ELOVL6: variants seen among roughly 807,000 people sequenced by gnomAD.
ELOVL6 encodes the protein very long chain fatty acid elongase 6.
Under a neutral mutation model 31.7 loss-of-function variants are expected in ELOVL6, and 8 were observed. The ratio of observed to expected loss-of-function variants is 0.25; its 90% CI spans 0.15 to 0.45. The LOEUF (loss-of-function observed/expected upper bound fraction) is 0.45, where lower values mean the gene tolerates loss of function less well. ELOVL6 is among the 20% of genes least tolerant of loss of function. The probability of loss-of-function intolerance (pLI) is 1.00; values close to 1 mark genes in which losing one functional copy is unlikely to be tolerated. For missense variants in ELOVL6, 126 were observed against 326.4 expected (o/e 0.39, Z 4.73); for synonymous variants, 101 against 117.7 (o/e 0.86, Z 0.92).
chr4:110,108,978 T>G (rs1477186517), intron 1 of ELOVL6, among the ~76,000 whole-genome samples: 1 of 152,230 alleles, frequency 6.6e-6, no homozygotes, highest in Non-Finnish European at 1.5e-5. Context: ...TTTTCCATAT[T>G]GCTTAGAAGA....
At chr4:110,117,914 A>AAG (rs1757228003) in intron 1 of ELOVL6, 3 of 25,568 alleles carry the variant, frequency 1.2e-4, no homozygotes, top group African/African-American at 6.5e-4. Context: ...ATATATATAT[A>AAG]TATATATATA....
chr4:110,170,111 A>C lies in ELOVL6; in HGVS notation c.89+28136T>G, dbSNP rs139357858. 7.3e-3 allele frequency among the ~76,000 whole-genome samples: 1,112 copies of C among 152,072 alleles called. 23 individuals are homozygous for C. Among genetic ancestry groups the C allele is most frequent in the African/African-American group, 0.025 (1,026 of 41,434 alleles). On this transcript the variant is annotated intron_variant, in intron 1 of 3. Transcript: ENST00000302274. ...ATTATAGGCGTGAGCCACTGAGCCC[A>C]GCCTATATTTTGTTTTCTATATTTA...
In ELOVL6 at chr4:110,198,431, ACCCACCCCCCTAGGTCTTC is replaced by A. The variant is rs1759884568; in HGVS notation, c.-115_-97del. On this transcript the variant is annotated 5_prime_UTR_variant, in exon 1 of 4. Transcript: ENST00000302274. Reference sequence around the variant, plus strand: ...GAGTGTTCTCCTGTCTGCTTCCCCCACCCACCCCCCTAGGTCTTCCCCACGCCGCTCGGTCTCCAGCGGT... The same window carrying A: ...GAGTGTTCTCCTGTCTGCTTCCCCCACCCACGCCGCTCGGTCTCCAGCGGT... The A allele has an allele frequency of 1.5e-6, 1 of 651,606 alleles. No individual in the cohort carries two copies. The highest frequency in any genetic ancestry group is 2.7e-5 in the African/African-American group (1 of 37,154). The allele number at this position is 651,606 out of a possible 1,614,324, so 40.4% of individuals were successfully genotyped here. A position where few individuals can be genotyped will look rare whatever the true frequency, so the allele number is the denominator to read the frequency against.
At chr4:110,105,700 C>T in intron 1 of ELOVL6, 72 bp from the exon 2 acceptor site, 4 of 1,427,502 alleles carry the variant, frequency 2.8e-6, no homozygotes, top group Non-Finnish European at 3.9e-6. Flanking sequence ...TACCAGTTCT[C>T]CTCTTTGTAA....
At chr4:110,194,221 TAAA>T (rs1759709177) in intron 1 of ELOVL6, among the ~76,000 whole-genome samples, 1 of 152,216 alleles carries the variant, frequency 6.6e-6, no homozygotes, top group African/African-American at 2.4e-5. Context: ...AGACATCTCA[TAAA>T]AGAGCAAAAT....
At chr4:110,160,113 AAC>A (rs59669268) in intron 1 of ELOVL6, among the ~76,000 whole-genome samples, 357 of 149,224 alleles carry the variant, frequency 2.4e-3, no homozygotes, top group East Asian at 0.022. Context: ...CACACACACA[AAC>A]ACACACACAC....
intron 2 of ELOVL6, among the ~76,000 whole-genome samples, chr4:110,070,412 G>A (rs3813827): frequency 0.028 from 4,227 of 152,292 alleles, 91 homozygotes; most frequent in South Asian, 0.094. Flanking sequence ...TAGTCATCTT[G>A]TTTCTACAGA....
intron 2 of ELOVL6, among the ~76,000 whole-genome samples, chr4:110,101,021 G>A (rs1191977398): frequency 2.6e-5 from 4 of 152,158 alleles, no homozygotes; most frequent in Non-Finnish European, 5.9e-5. Flanking sequence ...TAAAACAACT[G>A]TTTGTGAAAA....
chr4:110,124,660 G>A (rs1400247578), intron 1 of ELOVL6, among the ~76,000 whole-genome samples: 1 of 151,070 alleles, frequency 6.6e-6, no homozygotes, highest in Admixed American at 6.6e-5. Context: ...CATGGCACAT[G>A]TTTACCTATG....
intron 1 of ELOVL6, among the ~76,000 whole-genome samples, chr4:110,166,324 G>C (rs1332380113): frequency 6.6e-6 from 1 of 152,084 alleles, no homozygotes; most frequent in Non-Finnish European, 1.5e-5. Context: ...TTAAATTCTT[G>C]TGTTTCAGCC....
In ELOVL6 at chr4:110,076,298, G is replaced by A. The variant is rs551706968; in HGVS notation, c.222-16544C>T. 5.3e-5 allele frequency among the ~76,000 whole-genome samples: 8 copies of A among 152,208 alleles called. No homozygotes were observed. In the East Asian group the frequency reaches 7.7e-4, roughly 15 times the overall value. On this transcript the variant is annotated intron_variant, in intron 2 of 3. Transcript: ENST00000302274. ...GACAAAATTATATGAAGCATGAGAC[G>A]GTGCAGCTGAAACCAGAACTATTCT...
intron 2 of ELOVL6, among the ~76,000 whole-genome samples, chr4:110,070,660 T>C (rs1002482236): frequency 6.6e-6 from 1 of 152,096 alleles, no homozygotes; most frequent in African/African-American, 2.4e-5. Flanking sequence ...ATTGGAGGGG[T>C]GGACTTCCCC....
Position 110,198,588 on chromosome 4 carries a change from G to A in ELOVL6, c.-253C>T. ...CTCCCGGCGTCCGCATCCACCGTAG[G>A]AGGAAATGAATGCCTTGCGGTCTTA... On this transcript the variant is annotated 5_prime_UTR_variant, in exon 1 of 4. Transcript: ENST00000302274. 1 of 450,932 alleles carries A rather than the reference G, an allele frequency of 2.2e-6. No homozygotes were observed. The highest frequency in any genetic ancestry group is 3.8e-5 in the East Asian group (1 of 26,548). 27.9% of individuals were successfully genotyped at this position (450,932 alleles called of 1,614,324 possible). A position where few individuals can be genotyped will look rare whatever the true frequency, so the allele number is the denominator to read the frequency against.
intron 1 of ELOVL6, among the ~76,000 whole-genome samples, chr4:110,161,112 T>G (rs1758618416): frequency 6.6e-6 from 1 of 152,132 alleles, no homozygotes; most frequent in Non-Finnish European, 1.5e-5. Context: ...TCCAGTGCAA[T>G]GTAATCCAAG....
intron 1 of ELOVL6, among the ~76,000 whole-genome samples, chr4:110,160,095 T>G (rs934576767): frequency 6.7e-6 from 1 of 150,178 alleles, no homozygotes; most frequent in African/African-American, 2.5e-5. Context: ...GCTTACAACT[T>G]ACACACACAC....
intron 1 of ELOVL6, among the ~76,000 whole-genome samples, chr4:110,180,287 TC>T (rs1237953944): frequency 1.3e-5 from 2 of 152,234 alleles, no homozygotes; most frequent in African/African-American, 4.8e-5. Context: ...CTCGTCTCAC[TC>T]TAACAGCAGA....
At chr4:110,084,134 A>ATATATGATATATATAACATAT (rs1372065552) in intron 2 of ELOVL6, among the ~76,000 whole-genome samples, 1 of 45,958 alleles carries the variant, frequency 2.2e-5, no homozygotes, top group Non-Finnish European at 3.2e-5. Context: ...TATATGTGAT[A>ATATATGATATATATAACATAT]ATGATATATA....
intron 2 of ELOVL6, among the ~76,000 whole-genome samples, chr4:110,066,009 A>G (rs1366299623): frequency 1.3e-5 from 2 of 152,166 alleles, no homozygotes; most frequent in Non-Finnish European, 2.9e-5. Flanking sequence ...TAACTCAATA[A>G]CCAAAGGTAC....
chr4:110,130,267 T>G (rs1757631131), intron 1 of ELOVL6, among the ~76,000 whole-genome samples: 1 of 152,182 alleles, frequency 6.6e-6, no homozygotes, highest in African/African-American at 2.4e-5. Flanking sequence ...GTTCTGTTGC[T>G]ACTAACAGTA....
Sources: allele counts gnomAD v4.1 joint callset (sites outside exome capture counted in the v4.1 genomes callset), GRCh38; gene constraint gnomAD v4.1.1; transcripts MANE v1.5; gene names NCBI Gene and HGNC (gene_info 2026-07-23, HGNC 2026-07-21).